Variants in GRIK3 observed in about 807,000 individuals in gnomAD.
The protein encoded by GRIK3 is glutamate receptor ionotropic, kainate 3.
GRIK3 carries 29 observed loss-of-function variants against 102.5 expected under a neutral mutation model. That is an observed-to-expected ratio of 0.28 (90% CI 0.21 to 0.39). The LOEUF is 0.39. GRIK3 is among the 10% of genes least tolerant of loss of function. The probability of loss-of-function intolerance (pLI) is 1.00; values close to 1 mark genes in which losing one functional copy is unlikely to be tolerated. For missense variants in GRIK3, 908 were observed against 1,252.4 expected, an observed-to-expected ratio of 0.73 and a Z score of 4.15; for synonymous variants, 511 against 504.9, an observed-to-expected ratio of 1.01 and a Z score of -0.16.
At position 36,949,263 on chromosome 1, in the gene GRIK3, A is replaced by T. The variant is rs560142065; in HGVS notation, c.116-58167T>A. ...AACCTTGACCTTAAACTCTATTCTGATCTCTGATCCTAGCTCTACACTGAA... is the reference window on the plus strand; with the variant it reads ...AACCTTGACCTTAAACTCTATTCTGTTCTCTGATCCTAGCTCTACACTGAA... On this transcript the variant is annotated intron_variant, in intron 1 of 15. Coordinates refer to ENST00000373091, the MANE Select transcript of GRIK3 (RefSeq NM_000831.4). 9.9e-5 allele frequency among the ~76,000 whole-genome samples: 15 copies of T among 150,834 alleles called. No homozygotes were observed. The East Asian group carries it at 2.8e-3, about 28-fold the overall frequency.
chr1:36,828,234 A>G (rs921277797), intron 10 of GRIK3, among the ~76,000 whole-genome samples: 13 of 152,136 alleles, frequency 8.5e-5, no homozygotes, highest in African/African-American at 2.9e-4. Flanking sequence ...GGTTCCTTTC[A>G]GTCCTCAAGT....
chr1:36,964,813 G>T (rs1436583102), intron 1 of GRIK3, among the ~76,000 whole-genome samples: 1 of 152,190 alleles, frequency 6.6e-6, no homozygotes, highest in Non-Finnish European at 1.5e-5. Context: ...ACATTGAAAA[G>T]AGGAATCCCC....
At chr1:36,972,814 G>A (rs934710939) in intron 1 of GRIK3, among the ~76,000 whole-genome samples, 2 of 152,152 alleles carry the variant, frequency 1.3e-5, no homozygotes, top group Middle Eastern at 3.2e-3. Flanking sequence ...AGCAGAAGTC[G>A]GCCCAGTTCC....
chr1:37,024,786 G>A (rs1302171339), intron 1 of GRIK3, among the ~76,000 whole-genome samples: 1 of 151,362 alleles, frequency 6.6e-6, no homozygotes, highest in Non-Finnish European at 1.5e-5. Flanking sequence ...GATTACACAG[G>A]TGGGAAGTGA....
rs575643245 is a variant in GRIK3, at chr1:36,799,496, T to G, written c.*2355A>C. ...GTGCACACATGCCTGTACACATGTGTTCACATGCACTCAGACATGGACCCC... is the reference window on the plus strand; with the variant it reads ...GTGCACACATGCCTGTACACATGTGGTCACATGCACTCAGACATGGACCCC... On this transcript the variant is annotated 3_prime_UTR_variant, in exon 16 of 16. Coordinates refer to ENST00000373091, the MANE Select transcript of GRIK3 (RefSeq NM_000831.4). The G allele has an allele frequency of 2.0e-5, 3 of 152,238 alleles. No homozygotes were observed. Among genetic ancestry groups the G allele is most frequent in the African/African-American group, 7.2e-5 (3 of 41,442 alleles). 9.4% of individuals were successfully genotyped at this position (152,238 alleles called of 1,614,324 possible).
At chr1:37,005,890 G>C (rs1215181544) in intron 1 of GRIK3, among the ~76,000 whole-genome samples, 1 of 152,148 alleles carries the variant, frequency 6.6e-6, no homozygotes, top group Non-Finnish European at 1.5e-5. Context: ...ATTGTGGAAG[G>C]CCTTGAATGC....
intron 1 of GRIK3, among the ~76,000 whole-genome samples, chr1:37,018,374 C>T (rs1642675330): frequency 6.6e-6 from 1 of 152,194 alleles, no homozygotes; most frequent in African/African-American, 2.4e-5. Flanking sequence ...CGGACCATCA[C>T]TCACTGGCCC....
chr1:37,012,072 T>C (rs1277221573), intron 1 of GRIK3, among the ~76,000 whole-genome samples: 1 of 152,162 alleles, frequency 6.6e-6, no homozygotes, highest in Non-Finnish European at 1.5e-5. Flanking sequence ...CTGGGAGTGA[T>C]ACACAGAGGA....
intron 5 of GRIK3, among the ~76,000 whole-genome samples, chr1:36,867,584 A>G (rs973512598): frequency 1.3e-5 from 2 of 152,076 alleles, no homozygotes; most frequent in African/African-American, 4.8e-5. Flanking sequence ...AATGCTCTCT[A>G]AGGTCCTGGG....
chr1:37,003,097 C>T (rs1642495594), intron 1 of GRIK3, among the ~76,000 whole-genome samples: 1 of 148,990 alleles, frequency 6.7e-6, no homozygotes, highest in Admixed American at 6.7e-5. Flanking sequence ...TCCCTTTTCC[C>T]TTTGGCCACC....
intron 1 of GRIK3, among the ~76,000 whole-genome samples, chr1:37,007,186 T>G (rs1642541335): frequency 6.6e-6 from 1 of 152,196 alleles, no homozygotes; most frequent in Non-Finnish European, 1.5e-5. Flanking sequence ...GAGCAGATGC[T>G]CCCCACATCC....
chr1:36,945,282 C>T (rs1641770291), intron 1 of GRIK3, among the ~76,000 whole-genome samples: 1 of 152,214 alleles, frequency 6.6e-6, no homozygotes, highest in African/African-American at 2.4e-5. Flanking sequence ...CTGGACAAAG[C>T]ACCAGTTTAG....
chr1:36,867,650 T>C (rs1235589448), intron 5 of GRIK3, among the ~76,000 whole-genome samples: 1 of 151,870 alleles, frequency 6.6e-6, no homozygotes, highest in Non-Finnish European at 1.5e-5. Flanking sequence ...CAACACAGAA[T>C]ATAAGATAGA....
Position 36,801,366 on chromosome 1 carries a change from G to C in GRIK3, c.*485C>G, listed in dbSNP as rs945445496. ...TCCTTCTGCCCAGGCATATGGGATG[G>C]GTATCCCTCACCATGAGCTCCCATT... is the stretch of plus-strand genomic sequence containing the variant. On this transcript the variant is annotated 3_prime_UTR_variant, in exon 16 of 16. Coordinates refer to ENST00000373091, the MANE Select transcript of GRIK3 (RefSeq NM_000831.4). 6 of 154,618 alleles carry C rather than the reference G, an allele frequency of 3.9e-5. No individual in the cohort carries two copies. Among genetic ancestry groups the C allele is most frequent in the African/African-American group, 1.4e-4 (6 of 41,486 alleles). 9.6% of individuals were successfully genotyped at this position (154,618 alleles called of 1,614,324 possible). A position where few individuals can be genotyped will look rare whatever the true frequency, so the allele number is the denominator to read the frequency against.
At chr1:36,846,518 T>C (rs1394343476) in intron 9 of GRIK3, among the ~76,000 whole-genome samples, 2 of 152,084 alleles carry the variant, frequency 1.3e-5, no homozygotes, top group Non-Finnish European at 2.9e-5. Flanking sequence ...AGCAGTTTGA[T>C]GTTGTGTACT....
chr1:36,965,938 A>G (rs1642073167), intron 1 of GRIK3, among the ~76,000 whole-genome samples: 1 of 152,220 alleles, frequency 6.6e-6, no homozygotes, highest in Admixed American at 6.5e-5. Flanking sequence ...TCTGGCCTGG[A>G]TGGTGACTTG....
At chr1:36,818,709 A>G (rs1306207314) in intron 12 of GRIK3, among the ~76,000 whole-genome samples, 1 of 152,196 alleles carries the variant, frequency 6.6e-6, no homozygotes, top group Non-Finnish European at 1.5e-5. Flanking sequence ...GGATAATGCC[A>G]TTTGCTCATT....
At chr1:36,946,397 G>A (rs1044590450) in intron 1 of GRIK3, among the ~76,000 whole-genome samples, 4 of 152,214 alleles carry the variant, frequency 2.6e-5, no homozygotes, top group African/African-American at 7.2e-5. Context: ...ACAGGGACAC[G>A]GAGCATTCAG....
rs184479527 is a variant in GRIK3 at position 36,992,025 on chromosome 1, G to C, written c.115+41969C>G. Among the ~76,000 whole-genome samples the C allele has an allele frequency of 2.1e-3, 324 of 152,318 alleles. 1 individual carries two copies. Among genetic ancestry groups the C allele is most frequent in the African/African-American group, 7.5e-3 (310 of 41,572 alleles). On this transcript the variant is annotated intron_variant, in intron 1 of 15. Coordinates refer to ENST00000373091, the MANE Select transcript of GRIK3 (RefSeq NM_000831.4). ...AGCCTGGCAGTAAAAGAGGACCTGGGGGGTGGTTCCCAGGAGAAAGCCCGA... is the reference window on the plus strand; with the variant it reads ...AGCCTGGCAGTAAAAGAGGACCTGGCGGGTGGTTCCCAGGAGAAAGCCCGA...
Sources: allele counts gnomAD v4.1 joint callset (sites outside exome capture counted in the v4.1 genomes callset), GRCh38; gene constraint gnomAD v4.1.1; transcripts MANE v1.5; gene names NCBI Gene and HGNC (gene_info 2026-07-23, HGNC 2026-07-21).